The following TMC5 variants were observed in gnomAD, a reference collection of about 807,000 sequenced individuals.
The protein encoded by TMC5 is transmembrane channel-like protein 5.
A neutral mutation model predicts 110.5 loss-of-function variants in TMC5; 86 were observed. The ratio of observed to expected loss-of-function variants is 0.78; its 90% CI spans 0.65 to 0.93. The LOEUF is 0.93. Ranked by LOEUF, TMC5 falls within the 40% of genes least tolerant of loss-of-function variation. The probability of loss-of-function intolerance (pLI) is 0.00; values close to 1 mark genes in which losing one functional copy is unlikely to be tolerated. For synonymous variants in TMC5, 455 were observed against 439.5 expected, an observed-to-expected ratio of 1.04 and a Z score of -0.44; for missense variants, 1,144 against 1,222.8, an observed-to-expected ratio of 0.94 and a Z score of 0.96.
chr16:19,476,581 T>G (rs1310118059), intron 12 of TMC5, among the ~76,000 whole-genome samples: 1 of 152,120 alleles, frequency 6.6e-6, no homozygotes, highest in Non-Finnish European at 1.5e-5. Context: ...AGGGGGATGA[T>G]TCAATAAAGA....
chr16:19,477,322 C>G, intron 12 of TMC5, 118 bp from the exon 13 acceptor site: 1 of 740,386 alleles, frequency 1.4e-6, no homozygotes, highest in South Asian at 1.5e-5. Flanking sequence ...CCATGTGCCC[C>G]CCTCCAACCA....
chr16:19,482,205 G>A (rs2143702882), intron 15 of TMC5, among the ~76,000 whole-genome samples: 1 of 152,250 alleles, frequency 6.6e-6, no homozygotes, highest in Middle Eastern at 3.4e-3. Context: ...CTATAGGCAT[G>A]TGCCACCATG....
chr16:19,478,853 G>A (rs1474045746), intron 13 of TMC5, among the ~76,000 whole-genome samples: 2 of 152,052 alleles, frequency 1.3e-5, no homozygotes, highest in African/African-American at 4.8e-5. Context: ...GCACCCAAAA[G>A]TTTCCTCTCC....
In TMC5 at chr16:19,473,023, G is replaced by A. The variant is rs1968383290; in HGVS notation, c.1938+780G>A. 2.6e-5 allele frequency among the ~76,000 whole-genome samples: 4 copies of A among 151,896 alleles called. No individual in the cohort carries two copies. In the South Asian group the frequency reaches 6.3e-4, roughly 24 times the overall value. On this transcript the variant is annotated intron_variant, in intron 11 of 21. Transcript: ENST00000542583. The stretch of plus-strand genomic sequence containing the variant: ...GCCAGAGTGCTGCCTCCTCCTGGAG[G>A]CCCAGTGCCTCTCCCAGCCTCACAC...
chr16:19,437,952 T>C (rs1171333247), intron 2 of TMC5, among the ~76,000 whole-genome samples: 1 of 152,182 alleles, frequency 6.6e-6, no homozygotes, highest in African/African-American at 2.4e-5. Flanking sequence ...AGCCAAACTC[T>C]GTGGCCAGGG....
Position 19,441,371 on chromosome 16 carries a change from G to C in TMC5, c.788+545G>C, listed in dbSNP as rs180759097. On this transcript the variant is annotated intron_variant, in intron 3 of 21. Coordinates refer to ENST00000542583, the MANE Select transcript of TMC5 (RefSeq NM_001261841.2). ...GTCTTGCTATGTCACCCAGGTTGGA[G>C]TGCAGTGGCACAATCATAGCTCACC... 2.3e-4 allele frequency among the ~76,000 whole-genome samples: 34 copies of C among 151,022 alleles called. No homozygotes were observed. The East Asian group carries it at 6.4e-3, about 29-fold the overall frequency.
In TMC5 at chr16:19,447,809, C is replaced by G. The variant is rs578212497; in HGVS notation, c.959-1733C>G. On this transcript the variant is annotated intron_variant, in intron 4 of 21. Transcript: ENST00000542583. ...GCTCAAGCGACTGTCCCACTTTGGC[C>G]TCCCAAAGTGCCGAAATTACAGGCA... Among the ~76,000 whole-genome samples, 819 of 152,082 alleles carry G rather than the reference C, an allele frequency of 5.4e-3. 8 individuals carry two copies. The highest frequency in any genetic ancestry group is 0.019 in the African/African-American group (773 of 41,476).
intron 12 of TMC5, among the ~76,000 whole-genome samples, chr16:19,474,486 G>A (rs28712792): frequency 0.015 from 2,257 of 151,968 alleles, 63 homozygotes; most frequent in African/African-American, 0.051. Flanking sequence ...CCAGGAGTTC[G>A]AGAACAGCCT....
intron 14 of TMC5, 35 bp downstream of exon 14, chr16:19,479,563 G>A (rs765937529): frequency 6.8e-7 from 1 of 1,468,682 alleles, no homozygotes; most frequent in Admixed American, 1.7e-5. Context: ...ATTAGGGCCT[G>A]ATGCTGTAAA....
rs16972013 is a variant in TMC5, at chr16:19,449,566, G to A, written c.983G>A (p.Ser328Asn). 2,653 of 1,614,094 alleles carry A rather than the reference G, an allele frequency of 1.6e-3. 38 individuals carry two copies. The African/African-American group carries it at 0.027, about 17-fold the overall frequency. ...GTGAACCCTGCTTATGTAGGTGAAA[G>A]TGGTCCTGTCCATGCTTATGGAAAC... ...GYVNPAYVGESGPVHAYGNPP... is the reference protein window; with the variant it reads ...GYVNPAYVGENGPVHAYGNPP... The change falls in exon 5 of 22, where the codon AGT becomes AAT. Residue 328 changes from serine (S) to asparagine (N), a missense_variant. Physicochemically the swap from Ser to Asn is conservative, Grantham distance 46. Coordinates refer to ENST00000542583, the MANE Select transcript of TMC5 (RefSeq NM_001261841.2).
intron 12 of TMC5, among the ~76,000 whole-genome samples, chr16:19,475,371 G>A (rs561639834): frequency 6.6e-6 from 1 of 151,614 alleles, no homozygotes; most frequent in East Asian, 1.9e-4. Context: ...GCAGCGAACC[G>A]AGATCCTGCC....
chr16:19,468,900 G>A (rs1238625955), intron 9 of TMC5, among the ~76,000 whole-genome samples: 1 of 152,182 alleles, frequency 6.6e-6, no homozygotes, highest in Non-Finnish European at 1.5e-5. Flanking sequence ...GCTGTGGCGT[G>A]AGGATGGCTT....
intron 15 of TMC5, among the ~76,000 whole-genome samples, chr16:19,482,868 A>G (rs550926620): frequency 6.6e-6 from 1 of 151,854 alleles, no homozygotes; most frequent in East Asian, 1.9e-4. Flanking sequence ...TTATTTATTT[A>G]TTTATTTTTA....
In TMC5 at chr16:19,417,962, CAG is replaced by C. The variant is rs1966895724; in HGVS notation, c.-433_-432del. On this transcript the variant is annotated 5_prime_UTR_variant, in exon 1 of 22. Transcript: ENST00000542583. ...AGGAGCAGTCTTTAAGGCGACACGGCAGAGAGGCAGAAAAAGATGGGCCTTAC... is the reference window on the plus strand; with the variant it reads ...AGGAGCAGTCTTTAAGGCGACACGGCAGAGGCAGAAAAAGATGGGCCTTAC... 1 of 152,046 alleles carries C rather than the reference CAG, an allele frequency of 6.6e-6. No homozygotes were observed. The highest frequency in any genetic ancestry group is 2.1e-4 in the South Asian group (1 of 4,820). The allele number at this position is 152,046 out of a possible 1,614,324, so 9.4% of individuals were successfully genotyped here.
intron 18 of TMC5, among the ~76,000 whole-genome samples, chr16:19,491,619 TC>T (rs1300013180): frequency 2.7e-5 from 4 of 150,788 alleles, no homozygotes; most frequent in African/African-American, 9.8e-5. Flanking sequence ...CACTGCAAGT[TC>T]CGCCTCCTGG....
At chr16:19,423,673 C>T (rs1967031305) in intron 1 of TMC5, among the ~76,000 whole-genome samples, 1 of 152,178 alleles carries the variant, frequency 6.6e-6, no homozygotes, top group Admixed American at 6.5e-5. Context: ...CTTCTGTGAT[C>T]AGATATTGGC....
intron 5 of TMC5, among the ~76,000 whole-genome samples, chr16:19,456,092 A>G (rs1567309730): frequency 1.3e-5 from 2 of 151,954 alleles, no homozygotes; most frequent in East Asian, 3.9e-4. Flanking sequence ...CTGTAATCCC[A>G]GCTACTTGGG....
chr16:19,472,408 C>T (rs1968367089), intron 11 of TMC5, among the ~76,000 whole-genome samples, 165 bp downstream of exon 11: 4 of 152,128 alleles, frequency 2.6e-5, no homozygotes, highest in Non-Finnish European at 4.4e-5. Context: ...CAGTGGCTTA[C>T]ACCTGTAATC....
At chr16:19,493,726 G>A (rs1030683434) in intron 19 of TMC5, among the ~76,000 whole-genome samples, 1 of 152,182 alleles carries the variant, frequency 6.6e-6, no homozygotes, top group Non-Finnish European at 1.5e-5. Context: ...CTCCCAAAGT[G>A]CTGGGATTAC....
Sources: allele counts gnomAD v4.1 joint callset (sites outside exome capture counted in the v4.1 genomes callset), GRCh38; gene constraint gnomAD v4.1.1; transcripts MANE v1.5; gene names NCBI Gene and HGNC (gene_info 2026-07-23, HGNC 2026-07-21).